ANKRD30B: variants seen among roughly 807,000 people sequenced by gnomAD.
ANKRD30B encodes the protein ankyrin repeat domain-containing protein 30B.
ANKRD30B carries 144 observed loss-of-function variants against 202.2 expected under a neutral mutation model. The ratio of observed to expected loss-of-function variants is 0.71; its 90% CI spans 0.62 to 0.82. ANKRD30B has a LOEUF of 0.82. Ranked by LOEUF, ANKRD30B falls within the 40% of genes least tolerant of loss-of-function variation. ANKRD30B has a pLI of 0.00. For synonymous variants in ANKRD30B, 508 were observed against 561.3 expected (o/e 0.91, Z 1.34); for missense variants, 1,487 against 1,669.1 (o/e 0.89, Z 1.90).
the ANKRD30B span, among the ~76,000 whole-genome samples, chr18:14,900,896 A>T: frequency 6.6e-6 from 1 of 152,218 alleles, no homozygotes; most frequent in Non-Finnish European, 1.5e-5. Flanking sequence ...AAACTTCCAG[A>T]TGTTTTTGTG....
the ANKRD30B span, among the ~76,000 whole-genome samples, chr18:14,888,526 C>G: frequency 6.6e-6 from 1 of 151,926 alleles, no homozygotes; most frequent in Non-Finnish European, 1.5e-5. Flanking sequence ...TCAAATCTTT[C>G]TTTAATGCAG....
At chr18:14,881,824 A>G in the ANKRD30B span, among the ~76,000 whole-genome samples, 1 of 151,658 alleles carries the variant, frequency 6.6e-6, no homozygotes, top group African/African-American at 2.4e-5. Flanking sequence ...TTCCTGATTT[A>G]AGTTAGGAGG....
the ANKRD30B span, among the ~76,000 whole-genome samples, chr18:14,939,315 C>T: frequency 1.3e-5 from 2 of 152,190 alleles, no homozygotes; most frequent in Non-Finnish European, 2.9e-5. Context: ...CCTACACTGT[C>T]CCAGTGTTTC....
chr18:14,824,609 G>C (rs572223071), intron 32 of ANKRD30B, among the ~76,000 whole-genome samples: 2 of 152,180 alleles, frequency 1.3e-5, no homozygotes, highest in Non-Finnish European at 2.9e-5. Context: ...AAATAAACTT[G>C]TGTTTCTGCT....
At chr18:14,873,552 A>AT in the ANKRD30B span, among the ~76,000 whole-genome samples, 2 of 146,674 alleles carry the variant, frequency 1.4e-5, no homozygotes, top group Non-Finnish European at 1.5e-5. Flanking sequence ...AAAAGAGAGA[A>AT]TTTGGGCTTT....
At chr18:14,912,534 G>T in the ANKRD30B span, among the ~76,000 whole-genome samples, 1 of 152,098 alleles carries the variant, frequency 6.6e-6, no homozygotes, top group East Asian at 1.9e-4. Context: ...TTTTTGTTGA[G>T]CATGTTGTGT....
intron 32 of ANKRD30B, among the ~76,000 whole-genome samples, chr18:14,825,848 A>G (rs1451852422): frequency 2.0e-5 from 3 of 152,196 alleles, no homozygotes; most frequent in Non-Finnish European, 4.4e-5. Flanking sequence ...AGTTAATATG[A>G]TTTAGTGATT....
At chr18:14,884,401 T>C in the ANKRD30B span, among the ~76,000 whole-genome samples, 151,081 of 152,198 alleles carry the variant, frequency 0.99, 74,993 homozygotes, top group Middle Eastern at 1. Context: ...TGTGCTGAAC[T>C]GTGTCCAGGC....
At chr18:14,842,201 C>T (rs1971446553) in intron 37 of ANKRD30B, among the ~76,000 whole-genome samples, 1 of 151,952 alleles carries the variant, frequency 6.6e-6, no homozygotes, top group Non-Finnish European at 1.5e-5. Flanking sequence ...ATATTGAAAG[C>T]TCATTATGCA....
At chr18:14,837,791 G>A in intron 36 of ANKRD30B, 115 bp downstream of exon 36, 1 of 1,221,374 alleles carries the variant, frequency 8.2e-7, no homozygotes, top group Middle Eastern at 2.2e-4. Flanking sequence ...TAAGGCGGGT[G>A]GATCACGAGG....
chr18:14,847,663 G>C (rs1446004510), intron 39 of ANKRD30B, among the ~76,000 whole-genome samples: 3 of 151,244 alleles, frequency 2.0e-5, no homozygotes, highest in East Asian at 3.9e-4. Flanking sequence ...GTAGAATAGA[G>C]TTGAGTTACT....
chr18:14,879,009 C>T, the ANKRD30B span, among the ~76,000 whole-genome samples: 3 of 152,158 alleles, frequency 2.0e-5, no homozygotes, highest in African/African-American at 7.2e-5. Flanking sequence ...CAGCACAGAC[C>T]TGGGCAGGCA....
chr18:14,792,448 G>A (rs1471238661), intron 16 of ANKRD30B, among the ~76,000 whole-genome samples: 2 of 151,962 alleles, frequency 1.3e-5, no homozygotes, highest in Non-Finnish European at 2.9e-5. Flanking sequence ...GAAAGAGTGT[G>A]TGTTGAATGG....
At chr18:14,779,361 T>G (rs1011356796) in intron 10 of ANKRD30B, among the ~76,000 whole-genome samples, 2 of 152,208 alleles carry the variant, frequency 1.3e-5, no homozygotes, top group Non-Finnish European at 2.9e-5. Context: ...GGAAAGACTA[T>G]CTCATTGTAA....
chr18:14,886,924 A>G, the ANKRD30B span, among the ~76,000 whole-genome samples: 1 of 152,132 alleles, frequency 6.6e-6, no homozygotes, highest in Admixed American at 6.5e-5. Context: ...AGTTCTTTCT[A>G]GTTTTCTACA....
intron 37 of ANKRD30B, among the ~76,000 whole-genome samples, chr18:14,841,900 G>A (rs1450637024): frequency 6.6e-6 from 1 of 152,142 alleles, no homozygotes; most frequent in Non-Finnish European, 1.5e-5. Context: ...GGCATAAAAT[G>A]TTTATATTTT....
intron 4 of ANKRD30B, 137 bp downstream of exon 4, chr18:14,755,142 C>A: frequency 1.9e-6 from 1 of 523,838 alleles, no homozygotes; most frequent in Non-Finnish European, 3.2e-6. Flanking sequence ...CACAAATTAT[C>A]AGAAGAAAAG....
At chr18:14,832,785 T>C (rs980940861) in intron 34 of ANKRD30B, among the ~76,000 whole-genome samples, 1 of 152,220 alleles carries the variant, frequency 6.6e-6, no homozygotes, top group African/African-American at 2.4e-5. Context: ...ATGTGCGTTA[T>C]CTTGAGAAAA....
At chr18:14,785,107 T>G (rs924849639) in intron 14 of ANKRD30B, among the ~76,000 whole-genome samples, 2 of 152,190 alleles carry the variant, frequency 1.3e-5, no homozygotes, top group African/African-American at 2.4e-5. Flanking sequence ...AATTAGTCAT[T>G]TATTTGTGAA....
Sources: allele counts gnomAD v4.1 joint callset (sites outside exome capture counted in the v4.1 genomes callset), GRCh38; gene constraint gnomAD v4.1.1; transcripts MANE v1.5; gene names NCBI Gene and HGNC (gene_info 2026-07-23, HGNC 2026-07-21).